Variants in RIN3 observed in about 807,000 individuals in gnomAD.
RIN3 encodes RAB5 interacting protein 3.
A neutral mutation model predicts 76.3 loss-of-function variants in RIN3; 54 were observed. That is an observed-to-expected ratio of 0.71 (90% confidence interval 0.57 to 0.89). The LOEUF (loss-of-function observed/expected upper bound fraction) is 0.89. RIN3 is among the 40% of genes least tolerant of loss of function. The pLI is 0.00. For missense variants in RIN3, 1,256 were observed against 1,322.1 expected, an observed-to-expected ratio of 0.95 and a Z score of 0.78; for synonymous variants, 576 against 564.0, an observed-to-expected ratio of 1.02 and a Z score of -0.30.
chr14:92,678,547 T>C (rs61992635), intron 8 of RIN3, among the ~76,000 whole-genome samples: 41,555 of 132,562 alleles, frequency 0.31, 6,475 homozygotes, highest in Non-Finnish European at 0.36. Flanking sequence ...TATTCACTCA[T>C]GCACCCATCC....
At chr14:92,559,836 A>G (rs1381089699) in intron 2 of RIN3, among the ~76,000 whole-genome samples, 1 of 152,146 alleles carries the variant, frequency 6.6e-6, no homozygotes, top group Non-Finnish European at 1.5e-5. Flanking sequence ...GGGATGAAAG[A>G]GAGTGGAGGG....
In RIN3 at chr14:92,514,066, T is replaced by C. The variant is rs1896369684; in HGVS notation, c.44+90T>C. ...CTCCACTTCTTGTCCCAGAGAGTCCTTCGGGCGCGTGACCTCGGGGTTGTC... is the reference window on the plus strand; with the variant it reads ...CTCCACTTCTTGTCCCAGAGAGTCCCTCGGGCGCGTGACCTCGGGGTTGTC... On this transcript the variant is annotated intron_variant, in intron 1 of 9. Coordinates refer to ENST00000216487, the MANE Select transcript of RIN3 (RefSeq NM_024832.5). The surrounding 1 kb of genome is among the most constrained non-coding windows in gnomAD (Gnocchi z 7.2). 1 of 939,982 alleles carries C rather than the reference T, an allele frequency of 1.1e-6. No homozygotes were observed. The highest frequency in any genetic ancestry group is 2.4e-4 in the Middle Eastern group (1 of 4,250). The allele number at this position is 939,982 out of a possible 1,614,324, so 58.2% of individuals were successfully genotyped here. A position where few individuals can be genotyped will look rare whatever the true frequency, so the allele number is the denominator to read the frequency against.
At chr14:92,629,880 C>T (rs957973236) in intron 4 of RIN3, among the ~76,000 whole-genome samples, 8 of 152,228 alleles carry the variant, frequency 5.3e-5, no homozygotes, top group African/African-American at 1.9e-4. Flanking sequence ...CCAGAGGCCT[C>T]ACTGTGTGCA....
intron 1 of RIN3, among the ~76,000 whole-genome samples, chr14:92,545,981 A>G (rs990871964): frequency 2.0e-5 from 3 of 151,212 alleles, no homozygotes; most frequent in African/African-American, 7.3e-5. Context: ...GCCGGAGTGC[A>G]GTGGCATGAT....
At chr14:92,520,238 G>A (rs1310850357) in intron 1 of RIN3, among the ~76,000 whole-genome samples, 1 of 152,244 alleles carries the variant, frequency 6.6e-6, no homozygotes, top group African/African-American at 2.4e-5. Context: ...TAAGTGACGT[G>A]ACGGCACACA....
At chr14:92,646,597 G>T (rs1325033557) in intron 5 of RIN3, among the ~76,000 whole-genome samples, 1 of 152,104 alleles carries the variant, frequency 6.6e-6, no homozygotes. Flanking sequence ...CTGCCACCAC[G>T]CCTGACTAAT....
At chr14:92,534,601 A>G in intron 1 of RIN3, among the ~76,000 whole-genome samples, 1 of 144,048 alleles carries the variant, frequency 6.9e-6, no homozygotes, top group South Asian at 2.2e-4. Context: ...AAAAAAAAAC[A>G]AAAAGAAAGA....
chr14:92,610,360 G>T (rs934381745), intron 3 of RIN3, among the ~76,000 whole-genome samples: 1 of 152,090 alleles, frequency 6.6e-6, no homozygotes, highest in Non-Finnish European at 1.5e-5. Context: ...AGCAACCGCT[G>T]ATATCCTTTC....
At chr14:92,515,184 G>C (rs1271090812) in intron 1 of RIN3, 1 of 688,846 alleles carries the variant, frequency 1.5e-6, no homozygotes, top group Non-Finnish European at 2.6e-6. Context: ...CTGGATGCTG[G>C]TTTCTTTCTC....
chr14:92,682,388 T>G (rs1888699399), intron 8 of RIN3, among the ~76,000 whole-genome samples: 1 of 152,220 alleles, frequency 6.6e-6, no homozygotes, highest in African/African-American at 2.4e-5. Context: ...CTCACAAAAG[T>G]AACTAATAGT....
At chr14:92,541,081 G>A (rs769388375) in intron 1 of RIN3, among the ~76,000 whole-genome samples, 13 of 152,216 alleles carry the variant, frequency 8.5e-5, no homozygotes, top group Non-Finnish European at 1.3e-4. Context: ...GTATTAAGAG[G>A]CTGCTGAACC....
intron 1 of RIN3, among the ~76,000 whole-genome samples, chr14:92,536,740 C>CAGA (rs1229672216): frequency 3.5e-5 from 2 of 56,666 alleles, no homozygotes; most frequent in African/African-American, 1.6e-4. Context: ...GACTCCGTCT[C>CAGA]AGAAAAAAAA....
rs746499761 is a variant in RIN3 at position 92,688,530 on chromosome 14, C to T, written c.*278C>T. ...AGGAGAGAGGCGCTCCAGGCCGCTGCAGCCAACAAACCGGCGCCCTCTTCA... is the reference window on the plus strand; with the variant it reads ...AGGAGAGAGGCGCTCCAGGCCGCTGTAGCCAACAAACCGGCGCCCTCTTCA... On this transcript the variant is annotated 3_prime_UTR_variant, in exon 10 of 10. Transcript: ENST00000216487. 6.0e-6 allele frequency: 3 copies of T among 502,072 alleles called. No homozygotes were observed. Among genetic ancestry groups the T allele is most frequent in the Non-Finnish European group, 1.1e-5 (3 of 282,654 alleles). The allele number at this position is 502,072 out of a possible 1,614,324, so 31.1% of individuals were successfully genotyped here.
chr14:92,541,697 G>A (rs1897135508), intron 1 of RIN3, among the ~76,000 whole-genome samples: 1 of 152,250 alleles, frequency 6.6e-6, no homozygotes, highest in Non-Finnish European at 1.5e-5. Flanking sequence ...CTGAAATGAT[G>A]GGCAAATTTT....
At chr14:92,651,383 G>C (rs1480167908) in intron 5 of RIN3, among the ~76,000 whole-genome samples, 199 bp from the exon 6 acceptor site, 1 of 152,118 alleles carries the variant, frequency 6.6e-6, no homozygotes, top group East Asian at 1.9e-4. Context: ...ACTGAGTGGG[G>C]CTTCCCCTCT....
chr14:92,595,760 C>A lies in RIN3; in HGVS notation c.367+18283C>A, dbSNP rs965021790. Among the ~76,000 whole-genome samples, 3 of 152,268 alleles carry A rather than the reference C, an allele frequency of 2.0e-5. No individual in the cohort carries two copies. In the East Asian group the frequency reaches 5.8e-4, roughly 29 times the overall value. On this transcript the variant is annotated intron_variant, in intron 3 of 9. Coordinates refer to ENST00000216487, the MANE Select transcript of RIN3 (RefSeq NM_024832.5). ...ACAAAATGCCTTGGAAAGATAAAGC[C>A]CCACACAGACAGAAGGCGCCGTTCT...
At chr14:92,676,036 T>C (rs1888448237) in intron 7 of RIN3, among the ~76,000 whole-genome samples, 1 of 152,026 alleles carries the variant, frequency 6.6e-6, no homozygotes, top group Non-Finnish European at 1.5e-5. Context: ...TCTCGTAGTG[T>C]CTGGGTGAGG....
rs576366121 is a variant in RIN3, at chr14:92,544,300, G to A, written c.45-11451G>A. ...CTGCAGGCCACACCGCACTCTTCCC[G>A]CCTACATCTACACCTGGAACCAGGA... On this transcript the variant is annotated intron_variant, in intron 1 of 9. Coordinates refer to ENST00000216487, the MANE Select transcript of RIN3 (RefSeq NM_024832.5). Among the ~76,000 whole-genome samples, 6 of 148,306 alleles carry A rather than the reference G, an allele frequency of 4.0e-5. 1 individual carries two copies. Among genetic ancestry groups the A allele is most frequent in the Middle Eastern group, 3.6e-3 (1 of 280 alleles).
rs1244501114 is a variant in RIN3 at position 92,600,149 on chromosome 14, G to A, written c.368-15258G>A. 3.3e-5 allele frequency among the ~76,000 whole-genome samples: 5 copies of A among 152,232 alleles called. No individual in the cohort carries two copies. In the East Asian group the frequency reaches 7.7e-4, roughly 23 times the overall value. On this transcript the variant is annotated intron_variant, in intron 3 of 9. Transcript: ENST00000216487. Reference sequence around the variant, plus strand: ...AACCAGTGAGGAAATAGACAAAGATGAGGAAGATGCAGATCAGTGTCAGCT... The same window carrying A: ...AACCAGTGAGGAAATAGACAAAGATAAGGAAGATGCAGATCAGTGTCAGCT...
Sources: gnomAD v4.1 joint callset for allele counts (sites outside exome capture counted in the v4.1 genomes callset) on GRCh38, gnomAD v4.1.1 for gene constraint, Gnocchi (gnomAD v3.1) non-coding constraint, MANE v1.5 for transcripts, NCBI Gene and HGNC (gene_info 2026-07-23, HGNC 2026-07-21) for gene names.